Variants in MFN1 observed in about 807,000 individuals in gnomAD.
MFN1 encodes the protein mitofusin-1.
In MFN1, 65 loss-of-function variants were observed where a neutral mutation model predicts 92.4. The ratio of observed to expected loss-of-function variants is 0.70; its 90% CI spans 0.58 to 0.86. The LOEUF (loss-of-function observed/expected upper bound fraction) is 0.86, where lower values mean the gene tolerates loss of function less well. Among genes scored for constraint, MFN1 ranks in the 40% least tolerant of loss-of-function variants. The probability of loss-of-function intolerance (pLI) is 0.00; values close to 1 mark genes in which losing one functional copy is unlikely to be tolerated. For synonymous variants in MFN1, 297 were observed against 300.9 expected, an observed-to-expected ratio of 0.99 and a Z score of 0.13; for missense variants, 781 against 868.0, an observed-to-expected ratio of 0.90 and a Z score of 1.26.
In MFN1 at chr3:179,378,483, T is replaced by C. The variant is rs772292532; in HGVS notation, c.1432+40T>C. 12 of 1,546,290 alleles carry C rather than the reference T, an allele frequency of 7.8e-6. 1 individual carries two copies. In the South Asian group the frequency reaches 1.4e-4, roughly 19 times the overall value. On this transcript the variant is annotated intron_variant, in intron 13 of 17. Coordinates refer to ENST00000471841, the MANE Select transcript of MFN1 (RefSeq NM_033540.3). ...TACAAGGTCATGTCTGGTTTGTTTT[T>C]TCATTCATGACTGGTGAAGAGCTTA... is the stretch of plus-strand genomic sequence containing the variant.
At chr3:179,371,789 A>C (rs1713031029) in intron 9 of MFN1, among the ~76,000 whole-genome samples, 1 of 151,916 alleles carries the variant, frequency 6.6e-6, no homozygotes, top group South Asian at 2.1e-4. Flanking sequence ...TTGAACATGA[A>C]CTGTTTGTTA....
At chr3:179,387,502 C>T (rs141806071) in intron 16 of MFN1, among the ~76,000 whole-genome samples, 2 of 150,154 alleles carry the variant, frequency 1.3e-5, no homozygotes, top group Admixed American at 1.3e-4. Flanking sequence ...GCCGAGATCA[C>T]ATCACTGAAC....
At chr3:179,375,194 T>C (rs752015975) in intron 9 of MFN1, 26 bp from the exon 10 acceptor site, 1 of 1,582,716 alleles carries the variant, frequency 6.3e-7, no homozygotes, top group Non-Finnish European at 8.6e-7. Context: ...ATTACAGTAA[T>C]GTGTTACGGC....
At chr3:179,352,352 A>G (rs1272923757) in intron 3 of MFN1, among the ~76,000 whole-genome samples, 1 of 152,244 alleles carries the variant, frequency 6.6e-6, no homozygotes, top group Admixed American at 6.5e-5. Flanking sequence ...TTACTTGATT[A>G]TGTGAAAGTT....
intron 14 of MFN1, among the ~76,000 whole-genome samples, chr3:179,383,902 T>TC: frequency 9.2e-5 from 14 of 152,210 alleles, no homozygotes; most frequent in Non-Finnish European, 1.6e-4. Flanking sequence ...TTTAGGAAAT[T>TC]TGTGAAATTG....
chr3:179,369,147 CAA>C (rs1387042864), intron 9 of MFN1, among the ~76,000 whole-genome samples: 3 of 152,170 alleles, frequency 2.0e-5, no homozygotes, highest in Non-Finnish European at 2.9e-5. Context: ...CCCCGTTACT[CAA>C]AGACTATTGT....
At chr3:179,385,202 C>T (rs546793254) in intron 14 of MFN1, among the ~76,000 whole-genome samples, 49 of 143,096 alleles carry the variant, frequency 3.4e-4, no homozygotes, top group Non-Finnish European at 6.0e-4. Context: ...CGTGAGCCAC[C>T]GCGCCCGGCC....
At chr3:179,355,156 A>G (rs1712299921) in intron 3 of MFN1, among the ~76,000 whole-genome samples, 1 of 152,022 alleles carries the variant, frequency 6.6e-6, no homozygotes, top group Non-Finnish European at 1.5e-5. Flanking sequence ...TGGCATCTAA[A>G]CTGTATGTAT....
chr3:179,370,275 T>TAC (rs887829966), intron 9 of MFN1, among the ~76,000 whole-genome samples: 1 of 151,564 alleles, frequency 6.6e-6, no homozygotes, highest in Non-Finnish European at 1.5e-5. Context: ...TACATATACA[T>TAC]ACACACACAG....
chr3:179,361,266 A>G (rs747652877), intron 4 of MFN1, among the ~76,000 whole-genome samples: 12 of 151,958 alleles, frequency 7.9e-5, no homozygotes, highest in Non-Finnish European at 1.8e-4. Flanking sequence ...ATCATCTCTC[A>G]TTTTCCTGAT....
intron 4 of MFN1, among the ~76,000 whole-genome samples, chr3:179,361,420 A>G (rs1712572571): frequency 6.6e-6 from 1 of 152,150 alleles, no homozygotes; most frequent in Admixed American, 6.6e-5. Flanking sequence ...CCAAATAGTG[A>G]ATGTAGCATT....
At chr3:179,370,559 A>G (rs1004911387) in intron 9 of MFN1, among the ~76,000 whole-genome samples, 1 of 151,830 alleles carries the variant, frequency 6.6e-6, no homozygotes, top group African/African-American at 2.4e-5. Context: ...CTACAGGGGC[A>G]CACCACTACA....
intron 16 of MFN1, among the ~76,000 whole-genome samples, chr3:179,388,757 A>T (rs1713792951): frequency 6.6e-6 from 1 of 152,254 alleles, no homozygotes; most frequent in Non-Finnish European, 1.5e-5. Context: ...AACATGCTGT[A>T]TCGGAAGATC....
chr3:179,365,275 T>G (rs936712339), intron 7 of MFN1, 50 bp downstream of exon 7: 12 of 1,035,480 alleles, frequency 1.2e-5, no homozygotes, highest in Non-Finnish European at 1.7e-5. Context: ...GTCACATACA[T>G]TGTTATTTGA....
chr3:179,362,252 C>T (rs1712607916), intron 4 of MFN1, 106 bp from the exon 5 acceptor site: 1 of 1,118,420 alleles, frequency 8.9e-7, no homozygotes, highest in Non-Finnish European at 1.2e-6. Flanking sequence ...CAGAGTTTTA[C>T]CTTTTATATA....
chr3:179,373,194 G>A (rs1258243310), intron 9 of MFN1, among the ~76,000 whole-genome samples: 1 of 152,120 alleles, frequency 6.6e-6, no homozygotes, highest in Non-Finnish European at 1.5e-5. Context: ...AATCTGTTTT[G>A]TTTTCTCTAC....
At chr3:179,381,882 A>G (rs1474527881) in intron 14 of MFN1, among the ~76,000 whole-genome samples, 6 of 152,162 alleles carry the variant, frequency 3.9e-5, no homozygotes, top group African/African-American at 1.4e-4. Context: ...GAAATCTGAA[A>G]CACTTCTGGT....
Position 179,385,737 on chromosome 3 carries a change from T to A in MFN1, c.1815+16T>A. ...TGGAGGAGTGGTAAGAAACATTACT[T>A]TTAGTATAATTAAAATCGAAATGTT... is the stretch of plus-strand genomic sequence containing the variant. On this transcript the variant is annotated intron_variant, in intron 15 of 17. Coordinates refer to ENST00000471841, the MANE Select transcript of MFN1 (RefSeq NM_033540.3). 1 of 1,610,442 alleles carries A rather than the reference T, an allele frequency of 6.2e-7. No homozygotes were observed. The highest frequency in any genetic ancestry group is 8.5e-7 in the Non-Finnish European group (1 of 1,178,318).
At chr3:179,361,048 TG>T (rs1712555403) in intron 4 of MFN1, among the ~76,000 whole-genome samples, 1 of 152,020 alleles carries the variant, frequency 6.6e-6, no homozygotes, top group African/African-American at 2.4e-5. Context: ...TGGTTGAATC[TG>T]GGAGGTTGAG....
Sources: allele counts gnomAD v4.1 joint callset (sites outside exome capture counted in the v4.1 genomes callset), GRCh38; gene constraint gnomAD v4.1.1; transcripts MANE v1.5; gene names NCBI Gene and HGNC (gene_info 2026-07-23, HGNC 2026-07-21).